The following CAPN2 variants were observed in gnomAD, a reference collection of about 807,000 sequenced individuals.
CAPN2 encodes the protein calpain-2 catalytic subunit.
CAPN2 carries 92 observed loss-of-function variants against 102.3 expected under a neutral mutation model. The ratio of observed to expected loss-of-function variants is 0.90; its 90% CI spans 0.76 to 1.07. CAPN2 has a LOEUF of 1.07. Ranked by LOEUF, CAPN2 falls within the 50% of genes least tolerant of loss-of-function variation. The pLI, the probability that CAPN2 is intolerant of heterozygous loss-of-function variation, is 0.00. For synonymous variants in CAPN2, 340 were observed against 355.4 expected, an observed-to-expected ratio of 0.96 and a Z score of 0.49; for missense variants, 800 against 909.4, an observed-to-expected ratio of 0.88 and a Z score of 1.55.
chr1:223,716,305 T>C (rs1198611847), intron 1 of CAPN2, among the ~76,000 whole-genome samples: 2 of 152,220 alleles, frequency 1.3e-5, no homozygotes, highest in East Asian at 1.9e-4. Flanking sequence ...AGTAAGTGCC[T>C]GGCACACTCA....
At chr1:223,767,356 C>T (rs1382293643) in intron 16 of CAPN2, among the ~76,000 whole-genome samples, 1 of 114,086 alleles carries the variant, frequency 8.8e-6, no homozygotes, top group Non-Finnish European at 1.7e-5. Context: ...CACCCCACAA[C>T]AGTCCCCAGA....
chr1:223,737,713 GT>G (rs66920623), intron 2 of CAPN2, among the ~76,000 whole-genome samples: 24,849 of 37,804 alleles, frequency 0.66, 8,758 homozygotes, highest in South Asian at 0.83. Flanking sequence ...GGGGCGGGGG[GT>G]GGGGGGGAGA....
chr1:223,729,671 T>C (rs1008470116), intron 2 of CAPN2, among the ~76,000 whole-genome samples: 2 of 152,122 alleles, frequency 1.3e-5, no homozygotes, highest in Admixed American at 1.3e-4. Context: ...ATTTTTCTGA[T>C]TGGCAGTTAA....
intron 15 of CAPN2, 51 bp from the exon 16 acceptor site, chr1:223,766,316 T>G (rs1443872916): frequency 2.2e-6 from 3 of 1,350,140 alleles, no homozygotes; most frequent in Non-Finnish European, 3.2e-6. Flanking sequence ...AAAGTTCAGT[T>G]GGACATCACC....
chr1:223,750,084 G>A (rs982555851), intron 6 of CAPN2, among the ~76,000 whole-genome samples: 3 of 152,116 alleles, frequency 2.0e-5, no homozygotes, highest in Non-Finnish European at 4.4e-5. Context: ...TCTTCTGCAT[G>A]TCCAGTGTTC....
chr1:223,711,213 A>G (rs1349670607), upstream of CAPN2, among the ~76,000 whole-genome samples: 1 of 152,222 alleles, frequency 6.6e-6, no homozygotes, highest in Admixed American at 6.5e-5. Flanking sequence ...CCCCCAGTTG[A>G]GAACCACTGC....
At chr1:223,733,995 C>T (rs115883923) in intron 2 of CAPN2, among the ~76,000 whole-genome samples, 3 of 145,122 alleles carry the variant, frequency 2.1e-5, no homozygotes, top group Non-Finnish European at 4.4e-5. Flanking sequence ...ACTGCAGACT[C>T]GGTCCCAACT....
intron 17 of CAPN2, 61 bp downstream of exon 17, chr1:223,769,970 GA>G: frequency 7.7e-7 from 1 of 1,298,338 alleles, no homozygotes; most frequent in East Asian, 2.5e-5. Flanking sequence ...TATGCTTTAA[GA>G]TGCAGCAACT....
At chr1:223,752,445 T>C (rs749653792) in intron 8 of CAPN2, among the ~76,000 whole-genome samples, 5 of 152,228 alleles carry the variant, frequency 3.3e-5, no homozygotes, top group African/African-American at 1.2e-4. Context: ...TGGACCCACA[T>C]GTCTGTGTGT....
At position 223,712,579 on chromosome 1, in the gene CAPN2, C is replaced by A. The variant is rs1571776930; in HGVS notation, c.-62C>A. The A allele has an allele frequency of 7.0e-7, 1 of 1,423,334 alleles. No individual in the cohort carries two copies. The highest frequency in any genetic ancestry group is 3.1e-5 in the East Asian group (1 of 32,044). The allele number at this position is 1,423,334 out of a possible 1,614,324, so 88.2% of individuals were successfully genotyped here. ...GCGCCGGGCCCTGGCCGCGCCCCAG[C>A]CGAGCGCAGCGCGGAGTCGCCCCGA... On this transcript the variant is annotated 5_prime_UTR_variant, in exon 1 of 21. Transcript: ENST00000295006.
Position 223,771,705 on chromosome 1 carries a change from T to G in CAPN2, c.1904-104T>G, listed in dbSNP as rs140488151. On this transcript the variant is annotated intron_variant, in intron 18 of 20. Transcript: ENST00000295006. ...AAGAGCAGCCAAGGGACAAAAGCAA[T>G]TATACCTCATTTAAATCACCACATT... The G allele has an allele frequency of 1.9e-4, 151 of 780,838 alleles. 2 individuals are homozygous for G. In the East Asian group the frequency reaches 3.5e-3, roughly 18 times the overall value. 48.4% of individuals were successfully genotyped at this position (780,838 alleles called of 1,614,324 possible).
chr1:223,745,074 C>A (rs1379280232), intron 3 of CAPN2, among the ~76,000 whole-genome samples: 1 of 150,508 alleles, frequency 6.6e-6, no homozygotes, highest in Non-Finnish European at 1.5e-5. Context: ...AGGTACAGGG[C>A]AGAATGCTAA....
In CAPN2 at chr1:223,752,848, C is replaced by G; in HGVS notation, c.1027C>G (p.Leu343Val). The G allele has an allele frequency of 6.2e-7, 1 of 1,614,146 alleles. No individual in the cohort carries two copies. Among genetic ancestry groups the G allele is most frequent in the Non-Finnish European group, 8.5e-7 (1 of 1,180,010 alleles). ...CTATTCCCGCCTGGAGATCTGTAAC[C>G]TGACCCCAGACACTCTCACCAGCGA... ...RHYSRLEICN[L>V]TPDTLTSDTY... Residue 343 changes from leucine (L) to valine (V), a missense_variant, in exon 9 of 21, where the codon CTG (leucine) becomes GTG (valine). Coordinates refer to ENST00000295006, the MANE Select transcript of CAPN2 (RefSeq NM_001748.5).
At chr1:223,772,040 G>C in intron 19 of CAPN2, 115 bp downstream of exon 19, 2 of 1,132,214 alleles carry the variant, frequency 1.8e-6, no homozygotes, top group South Asian at 2.6e-5. Context: ...AGTTGAGAAT[G>C]AAATTCCCTC....
chr1:223,757,347 T>A (rs759801369), intron 10 of CAPN2, 22 bp from the exon 11 acceptor site: 2 of 1,614,134 alleles, frequency 1.2e-6, no homozygotes, highest in Non-Finnish European at 1.7e-6. Context: ...GGCATCTGAA[T>A]TGCATCTCCT....
intron 2 of CAPN2, among the ~76,000 whole-genome samples, chr1:223,737,240 C>G (rs566553457): frequency 6.6e-6 from 1 of 152,148 alleles, no homozygotes; most frequent in Non-Finnish European, 1.5e-5. Context: ...CCCAGCCTCT[C>G]AGGTCTGTGC....
In CAPN2 at chr1:223,771,877, G is replaced by T; in HGVS notation, c.1972G>T (p.Asp658Tyr). 1 of 1,614,104 alleles carries T rather than the reference G, an allele frequency of 6.2e-7. No homozygotes were observed. The highest frequency in any genetic ancestry group is 1.1e-5 in the South Asian group (1 of 91,078). Residue 658 changes from aspartate (D) to tyrosine (Y), a missense_variant, in exon 19 of 21, where the codon GAT (aspartate) becomes TAT (tyrosine). Asp to Tyr is a radical substitution (Grantham distance 160). Transcript: ENST00000295006. Reference sequence around the variant, plus strand: ...GTTTGCAGATGACCAGCTCATCATCGATTTTGATAATTTTGTTCGGTGTTT... The same window carrying T: ...GTTTGCAGATGACCAGCTCATCATCTATTTTGATAATTTTGTTCGGTGTTT... The part of the protein sequence containing the change: ...ARFADDQLII[D>Y]FDNFVRCLVR...
At chr1:223,770,599 A>G in intron 18 of CAPN2, 74 bp downstream of exon 18, 1 of 960,128 alleles carries the variant, frequency 1.0e-6, no homozygotes, top group Non-Finnish European at 1.6e-6. Flanking sequence ...ATCTTATACC[A>G]TATAACACAA....
intron 2 of CAPN2, among the ~76,000 whole-genome samples, chr1:223,718,718 A>C (rs1387941930): frequency 1.3e-5 from 2 of 152,250 alleles, no homozygotes; most frequent in Admixed American, 6.5e-5. Context: ...TAGCAAAATC[A>C]GTCAACTAGA....
Sources: allele counts gnomAD v4.1 joint callset (sites outside exome capture counted in the v4.1 genomes callset), GRCh38; gene constraint gnomAD v4.1.1; transcripts MANE v1.5; gene names NCBI Gene and HGNC (gene_info 2026-07-23, HGNC 2026-07-21).